The following CDKAL1 variants were observed in gnomAD, a reference collection of about 807,000 sequenced individuals.
CDKAL1 encodes threonylcarbamoyladenosine tRNA methylthiotransferase.
In CDKAL1, 32 loss-of-function variants were observed where a neutral mutation model predicts 68.2. The observed-to-expected ratio is 0.47, with a 90% CI of 0.35 to 0.63. The LOEUF is 0.63. Ranked by LOEUF, CDKAL1 falls within the 30% of genes least tolerant of loss-of-function variation. CDKAL1 has a pLI of 0.00. For synonymous variants in CDKAL1, 234 were observed against 244.3 expected, an observed-to-expected ratio of 0.96 and a Z score of 0.39; for missense variants, 606 against 696.7, an observed-to-expected ratio of 0.87 and a Z score of 1.47.
In CDKAL1 at chr6:20,773,654, TCTC is replaced by T. The variant is rs558953027; in HGVS notation, c.518-7488_518-7486del. Reference sequence around the variant, plus strand: ...GCTCCACCTTCTGGGTTCACGCCATTCTCCTGCCTCAGCCTCCCGAGTAGCTGG... The same window carrying T: ...GCTCCACCTTCTGGGTTCACGCCATTCTGCCTCAGCCTCCCGAGTAGCTGG... On this transcript the variant is annotated intron_variant, in intron 7 of 15. Transcript: ENST00000274695. Among the ~76,000 whole-genome samples, 355 of 152,152 alleles carry T rather than the reference TCTC, an allele frequency of 2.3e-3. 2 individuals are homozygous for T. The highest frequency in any genetic ancestry group is 8.1e-3 in the African/African-American group (338 of 41,506).
chr6:20,623,534 T>C (rs1581842908), intron 4 of CDKAL1, among the ~76,000 whole-genome samples: 1 of 152,092 alleles, frequency 6.6e-6, no homozygotes, highest in Non-Finnish European at 1.5e-5. Context: ...TCAAATCTTG[T>C]TAAAATCTTA....
At chr6:20,858,068 A>G (rs796074962) in intron 9 of CDKAL1, among the ~76,000 whole-genome samples, 19 of 152,322 alleles carry the variant, frequency 1.2e-4, no homozygotes, top group African/African-American at 4.3e-4. Context: ...CCTGTTGGCC[A>G]GGCTGGTCTC....
chr6:20,613,343 C>T (rs112734946), intron 4 of CDKAL1, among the ~76,000 whole-genome samples: 5,428 of 139,294 alleles, frequency 0.039, 123 homozygotes, highest in Middle Eastern at 0.089. Flanking sequence ...GGCGTGATCT[C>T]AGCTCACTGC....
chr6:20,551,607 T>C (rs1763832580), intron 4 of CDKAL1, among the ~76,000 whole-genome samples: 1 of 152,028 alleles, frequency 6.6e-6, no homozygotes, highest in African/African-American at 2.4e-5. Flanking sequence ...CTTGACCTCG[T>C]GATCCACCCG....
At chr6:20,896,103 C>CTTTTTTTTTTTTTTT (rs777787310) in intron 9 of CDKAL1, among the ~76,000 whole-genome samples, 2 of 90,142 alleles carry the variant, frequency 2.2e-5, no homozygotes, top group East Asian at 4.0e-4. Flanking sequence ...CTTTTCTTTT[C>CTTTTTTTTTTTTTTT]TTTTTTTTTT....
At chr6:21,121,710 T>C (rs1054652661) in intron 13 of CDKAL1, among the ~76,000 whole-genome samples, 30 of 152,368 alleles carry the variant, frequency 2.0e-4, no homozygotes, top group African/African-American at 7.2e-4. Flanking sequence ...AATATCTGGT[T>C]ATTTTAATGT....
chr6:20,919,426 G>A (rs1032035419), intron 9 of CDKAL1, among the ~76,000 whole-genome samples: 4 of 152,144 alleles, frequency 2.6e-5, no homozygotes, highest in African/African-American at 9.7e-5. Flanking sequence ...TACGTGTGCA[G>A]AACATGCAGT....
intron 8 of CDKAL1, among the ~76,000 whole-genome samples, chr6:20,811,841 AT>A (rs1298113111): frequency 2.0e-5 from 3 of 151,502 alleles, no homozygotes; most frequent in African/African-American, 7.3e-5. Flanking sequence ...AGACAAACAT[AT>A]TCTGTAATGG....
At chr6:20,884,713 A>G (rs1365270105) in intron 9 of CDKAL1, among the ~76,000 whole-genome samples, 1 of 152,236 alleles carries the variant, frequency 6.6e-6, no homozygotes, top group Non-Finnish European at 1.5e-5. Flanking sequence ...ATCAGCAATG[A>G]ACAATCATAA....
At position 20,573,497 on chromosome 6, in the gene CDKAL1, C is replaced by T. The variant is rs1030111532; in HGVS notation, c.286+24792C>T. On this transcript the variant is annotated intron_variant, in intron 4 of 15. Transcript: ENST00000274695. ...ATGCTGCATTTATTTCAAATTGTAT[C>T]TGATACATCAGCATGATGATTTATA... Among the ~76,000 whole-genome samples, 4 of 152,158 alleles carry T rather than the reference C, an allele frequency of 2.6e-5. 1 individual carries two copies. Among genetic ancestry groups the T allele is most frequent in the Non-Finnish European group, 5.9e-5 (4 of 67,990 alleles).
chr6:20,840,296 TA>T (rs1778123425), intron 8 of CDKAL1, among the ~76,000 whole-genome samples: 1 of 152,174 alleles, frequency 6.6e-6, no homozygotes, highest in South Asian at 2.1e-4. Flanking sequence ...CAAACTATTT[TA>T]AAGATTGTGA....
chr6:20,619,840 T>G (rs116792937), intron 4 of CDKAL1, among the ~76,000 whole-genome samples: 1 of 152,328 alleles, frequency 6.6e-6, no homozygotes, highest in African/African-American at 2.4e-5. Context: ...AAAATGAAAT[T>G]TCTGTGTTTC....
chr6:20,603,085 C>G lies in CDKAL1; in HGVS notation c.287-46208C>G, dbSNP rs139117098. ...AAAGGTTTATTCAGTGATTTTTCTTCCTCTTCTACTTTTTCTTTTTCTGTG... is the reference window on the plus strand; with the variant it reads ...AAAGGTTTATTCAGTGATTTTTCTTGCTCTTCTACTTTTTCTTTTTCTGTG... On this transcript the variant is annotated intron_variant, in intron 4 of 15. Coordinates refer to ENST00000274695, the MANE Select transcript of CDKAL1 (RefSeq NM_017774.3). Among the ~76,000 whole-genome samples the G allele has an allele frequency of 4.6e-5, 7 of 152,278 alleles. No homozygotes were observed. In the East Asian group the frequency reaches 1.4e-3, roughly 29 times the overall value.
intron 5 of CDKAL1, among the ~76,000 whole-genome samples, chr6:20,672,122 C>A (rs2127781406): frequency 1.3e-5 from 2 of 152,124 alleles, no homozygotes; most frequent in South Asian, 4.2e-4. Context: ...TTCTTGTAGT[C>A]TGTCTCCCTT....
intron 9 of CDKAL1, among the ~76,000 whole-genome samples, chr6:20,909,046 A>C (rs955611882): frequency 1.3e-5 from 2 of 152,208 alleles, no homozygotes; most frequent in Admixed American, 1.3e-4. Context: ...ATCCTTTTCT[A>C]ATAAACTATA....
In CDKAL1 at chr6:20,840,765, G is replaced by A. The variant is rs78793115; in HGVS notation, c.639-5310G>A. On this transcript the variant is annotated intron_variant, in intron 8 of 15. Transcript: ENST00000274695. ...GTTGGTATGAGTATCTCCTGTATTC[G>A]TTTGAAAGATCAAAAAGTAATTTTC... 2.6e-4 allele frequency among the ~76,000 whole-genome samples: 39 copies of A among 152,224 alleles called. No individual in the cohort carries two copies. The East Asian group carries it at 5.0e-3, about 20-fold the overall frequency.
chr6:20,565,054 A>G (rs1214958032), intron 4 of CDKAL1, among the ~76,000 whole-genome samples: 1 of 152,154 alleles, frequency 6.6e-6, no homozygotes. Flanking sequence ...CTGATTGTTC[A>G]TTTATACAGC....
At position 20,975,537 on chromosome 6, in the gene CDKAL1, T is replaced by G. The variant is rs1279747273; in HGVS notation, c.909+19952T>G. Reference sequence around the variant, plus strand: ...GATGTCTTTGCATACATAACATCTATTCAATAACATCAGGGCATTTCTTCT... The same window carrying G: ...GATGTCTTTGCATACATAACATCTAGTCAATAACATCAGGGCATTTCTTCT... On this transcript the variant is annotated intron_variant, in intron 10 of 15. Coordinates refer to ENST00000274695, the MANE Select transcript of CDKAL1 (RefSeq NM_017774.3). 2.6e-5 allele frequency among the ~76,000 whole-genome samples: 4 copies of G among 152,248 alleles called. 1 individual carries two copies. Among genetic ancestry groups the G allele is most frequent in the Middle Eastern group, 6.3e-3 (2 of 316 alleles).
intron 5 of CDKAL1, among the ~76,000 whole-genome samples, chr6:20,710,385 TGCTGTATA>T (rs1771792611): frequency 6.6e-6 from 1 of 152,168 alleles, no homozygotes. Flanking sequence ...TACAGTAACA[TGCTGTATA>T]GATGTGTAGC....
Sources: gnomAD v4.1 joint callset for allele counts (sites outside exome capture counted in the v4.1 genomes callset) on GRCh38, gnomAD v4.1.1 for gene constraint, MANE v1.5 for transcripts, NCBI Gene and HGNC (gene_info 2026-07-23, HGNC 2026-07-21) for gene names.